Variants in ALPK2 observed in about 807,000 individuals in gnomAD.
The protein encoded by ALPK2 is alpha kinase 2.
In ALPK2, 127 loss-of-function variants were observed where a neutral mutation model predicts 163.1. The observed-to-expected ratio is 0.78, with a 90% CI of 0.67 to 0.90. ALPK2 has a LOEUF of 0.90. Ranked by LOEUF, ALPK2 falls within the 40% of genes least tolerant of loss-of-function variation. The probability of loss-of-function intolerance (pLI) is 0.00; values close to 1 mark genes in which losing one functional copy is unlikely to be tolerated. For synonymous variants in ALPK2, 953 were observed against 959.1 expected, an observed-to-expected ratio of 0.99 and a Z score of 0.12; for missense variants, 2,360 against 2,589.6, an observed-to-expected ratio of 0.91 and a Z score of 1.92.
At chr18:58,496,396 T>G (rs781003655) in intron 12 of ALPK2, among the ~76,000 whole-genome samples, 2 of 152,126 alleles carry the variant, frequency 1.3e-5, no homozygotes, top group Admixed American at 6.5e-5. Context: ...TGGAGACAGT[T>G]CCAACATAAA....
intron 3 of ALPK2, among the ~76,000 whole-genome samples, chr18:58,595,096 G>A (rs1011617705): frequency 2.6e-5 from 4 of 152,200 alleles, no homozygotes; most frequent in Non-Finnish European, 5.9e-5. Context: ...GGGAGTCACA[G>A]AAGGTGAAGA....
chr18:58,607,460 G>C, intron 2 of ALPK2, 21 bp from the exon 3 acceptor site: 3 of 1,448,538 alleles, frequency 2.1e-6, no homozygotes, highest in Non-Finnish European at 2.8e-6. Context: ...AGAAAGAAAA[G>C]TATCCTTATT....
rs756517775 is a variant in ALPK2, at chr18:58,537,765, C to T, written c.2422G>A (p.Glu808Lys). The T allele has an allele frequency of 5.6e-6, 9 of 1,614,042 alleles. No homozygotes were observed. The highest frequency in any genetic ancestry group is 1.7e-5 in the Admixed American group (1 of 60,012). The change falls in exon 5 of 13, where the codon GAG (glutamate) becomes AAG (lysine). Residue 808 changes from glutamate to lysine, a missense_variant. Physicochemically the swap from Glu to Lys is moderately conservative, Grantham distance 56. Coordinates refer to ENST00000361673, the MANE Select transcript of ALPK2 (RefSeq NM_052947.4). Reference protein sequence around the residue: ...REAVCAMECFEAGDQGTCFDT... With the variant: ...REAVCAMECFKAGDQGTCFDT... ...AAACACGTTCCTTGGTCACCAGCCTCAAAACACTCCATTGCACACACTGCT... is the reference window on the plus strand; with the variant it reads ...AAACACGTTCCTTGGTCACCAGCCTTAAAACACTCCATTGCACACACTGCT...
chr18:58,569,238 C>T (rs551618702), intron 4 of ALPK2, among the ~76,000 whole-genome samples: 2 of 152,256 alleles, frequency 1.3e-5, no homozygotes, highest in South Asian at 4.2e-4. Flanking sequence ...TTGTGTAGCT[C>T]AGCCAAGGCT....
intron 4 of ALPK2, among the ~76,000 whole-genome samples, chr18:58,563,719 G>A (rs539117068): frequency 2.0e-5 from 3 of 152,260 alleles, no homozygotes; most frequent in African/African-American, 7.2e-5. Flanking sequence ...TGCCTGCATA[G>A]TCCAAAGAAT....
chr18:58,592,678 A>G (rs978501981), intron 3 of ALPK2, among the ~76,000 whole-genome samples: 4 of 152,128 alleles, frequency 2.6e-5, no homozygotes, highest in African/African-American at 4.8e-5. Context: ...CTGCAGGGGA[A>G]AGTTTACTTT....
chr18:58,529,432 G>T (rs538431477), intron 5 of ALPK2, among the ~76,000 whole-genome samples, 194 bp from the exon 6 acceptor site: 1 of 152,312 alleles, frequency 6.6e-6, no homozygotes, highest in Admixed American at 6.5e-5. Flanking sequence ...AATAGAAAAT[G>T]CTCACTTCCA....
chr18:58,574,398 A>G (rs1359908145), intron 4 of ALPK2, among the ~76,000 whole-genome samples: 2 of 149,482 alleles, frequency 1.3e-5, no homozygotes, highest in East Asian at 3.9e-4. Context: ...GCAGTGAGCC[A>G]AGATCATGCC....
rs1193229232 is a variant in ALPK2, at chr18:58,578,863, T to C, written c.1913A>G (p.Asn638Ser). The change falls in exon 4 of 13, where the codon AAT becomes AGT. Residue 638 changes from asparagine (N) to serine (S), a missense_variant. Asn to Ser is a conservative substitution (Grantham distance 46, BLOSUM62 1). Transcript: ENST00000361673. Reference protein sequence around the residue: ...TNCKGEGMQVNTLFETSQVPD... With the variant: ...TNCKGEGMQVSTLFETSQVPD... ...AACCTGGCTTGTTTCAAATAGAGTA[T>C]TAACTTGCATGCCTTCTCCCTTGCA... 1.2e-6 allele frequency: 2 copies of C among 1,614,056 alleles called. No homozygotes were observed. Among genetic ancestry groups the C allele is most frequent in the Non-Finnish European group, 8.5e-7 (1 of 1,180,048 alleles).
At chr18:58,545,326 G>A (rs2051712117) in intron 4 of ALPK2, 1 of 152,298 alleles carries the variant, frequency 6.6e-6, no homozygotes, top group East Asian at 1.9e-4. Flanking sequence ...AAAATATATG[G>A]CTGAGGGAAG....
At chr18:58,524,494 G>A (rs755950542) in intron 6 of ALPK2, among the ~76,000 whole-genome samples, 4 of 152,176 alleles carry the variant, frequency 2.6e-5, no homozygotes, top group Admixed American at 6.5e-5. Flanking sequence ...ATAAGGATTC[G>A]TGACTGAGGG....
At position 58,538,059 on chromosome 18, in the gene ALPK2, C is replaced by T. The variant is rs755959953; in HGVS notation, c.2128G>A (p.Val710Ile). Reference sequence around the variant, plus strand: ...TGTGGACCACAGGTACAGGGTTTGACCTCCGAGTGTTGAGCTAATGATGCA... The same window carrying T: ...TGTGGACCACAGGTACAGGGTTTGATCTCCGAGTGTTGAGCTAATGATGCA... ...ENASLAQHSE[V>I]KPCTCGPQHE... The change falls in exon 5 of 13, where the codon GTC becomes ATC. Residue 710 changes from valine to isoleucine, a missense_variant. Val to Ile is a conservative substitution (Grantham distance 29). Coordinates refer to ENST00000361673, the MANE Select transcript of ALPK2 (RefSeq NM_052947.4). 3 of 1,614,026 alleles carry T rather than the reference C, an allele frequency of 1.9e-6. No homozygotes were observed. The highest frequency in any genetic ancestry group is 1.7e-6 in the Non-Finnish European group (2 of 1,180,024).
chr18:58,618,903 A>G (rs901357551), intron 1 of ALPK2, among the ~76,000 whole-genome samples: 3 of 152,176 alleles, frequency 2.0e-5, no homozygotes, highest in East Asian at 1.9e-4. Context: ...ACAGCTCACA[A>G]GCAGACCACA....
chr18:58,505,658 C>G (rs946594176), intron 10 of ALPK2, among the ~76,000 whole-genome samples: 3 of 152,202 alleles, frequency 2.0e-5, no homozygotes, highest in African/African-American at 7.2e-5. Flanking sequence ...CCCACCCCAA[C>G]TACTGACTCA....
intron 1 of ALPK2, among the ~76,000 whole-genome samples, chr18:58,614,872 TAC>T (rs2052156591): frequency 6.6e-6 from 1 of 152,190 alleles, no homozygotes; most frequent in South Asian, 2.1e-4. Flanking sequence ...AGAGAATCCC[TAC>T]ACCCCTTTTA....
chr18:58,485,355 A>G (rs2051333162), intron 12 of ALPK2, among the ~76,000 whole-genome samples: 1 of 152,126 alleles, frequency 6.6e-6, no homozygotes. Flanking sequence ...TTCCCTGTGC[A>G]ATCCAAGCTG....
intron 12 of ALPK2, among the ~76,000 whole-genome samples, chr18:58,489,907 C>T (rs1435738239): frequency 1.3e-5 from 2 of 151,478 alleles, no homozygotes; most frequent in African/African-American, 4.9e-5. Context: ...CCATCCTGGC[C>T]CCGTCTCTAC....
At chr18:58,506,409 A>C (rs1341861660) in intron 10 of ALPK2, among the ~76,000 whole-genome samples, 1 of 152,036 alleles carries the variant, frequency 6.6e-6, no homozygotes, top group Non-Finnish European at 1.5e-5. Context: ...CCACAATAAA[A>C]ACATTTAAAT....
rs749114531 is a variant in ALPK2, at chr18:58,540,259, A to G, written c.1963-2035T>C. Reference sequence around the variant, plus strand: ...AGCCAACTTCACCCATTAAAGCTCTACACTTGAAAGGGTTTGAACTTTCAT... The same window carrying G: ...AGCCAACTTCACCCATTAAAGCTCTGCACTTGAAAGGGTTTGAACTTTCAT... On this transcript the variant is annotated intron_variant, in intron 4 of 12. Coordinates refer to ENST00000361673, the MANE Select transcript of ALPK2 (RefSeq NM_052947.4). 3.5e-4 allele frequency among the ~76,000 whole-genome samples: 53 copies of G among 152,352 alleles called. 1 individual carries two copies. The highest frequency in any genetic ancestry group is 4.3e-4 in the Non-Finnish European group (29 of 68,026).
Sources: gnomAD v4.1 joint callset for allele counts (sites outside exome capture counted in the v4.1 genomes callset) on GRCh38, gnomAD v4.1.1 for gene constraint, MANE v1.5 for transcripts, NCBI Gene and HGNC (gene_info 2026-07-23, HGNC 2026-07-21) for gene names.